ALK: variants seen among roughly 807,000 people sequenced by gnomAD.
The protein encoded by ALK is ALK receptor tyrosine kinase, also known as ALK tyrosine kinase receptor.
ALK carries 74 observed loss-of-function variants against 163.1 expected under a neutral mutation model. The observed-to-expected ratio is 0.45, with a 90% CI of 0.38 to 0.55. The LOEUF is 0.55. Among genes scored for constraint, ALK ranks in the 20% least tolerant of loss-of-function variants. ALK has a pLI of 0.00. For missense variants in ALK, 2,063 were observed against 2,105.3 expected, an observed-to-expected ratio of 0.98 and a Z score of 0.39; for synonymous variants, 960 against 843.2, an observed-to-expected ratio of 1.14 and a Z score of -2.40.
At chr2:29,871,205 C>T (rs1416821550) in intron 1 of ALK, among the ~76,000 whole-genome samples, 1 of 152,190 alleles carries the variant, frequency 6.6e-6, no homozygotes, top group Non-Finnish European at 1.5e-5. Flanking sequence ...ATTAAGCCTA[C>T]AGCCAACCAC....
At chr2:29,623,248 C>T (rs1356064157) in intron 3 of ALK, among the ~76,000 whole-genome samples, 1 of 152,128 alleles carries the variant, frequency 6.6e-6, no homozygotes, top group African/African-American at 2.4e-5. Context: ...AAAAAATGAT[C>T]TTCATGATGG....
intron 3 of ALK, among the ~76,000 whole-genome samples, chr2:29,672,293 A>G (rs1376407717): frequency 6.6e-6 from 1 of 151,626 alleles, no homozygotes; most frequent in Non-Finnish European, 1.5e-5. Context: ...GTCATCTAGC[A>G]TTAGGTATAT....
chr2:29,910,066 T>C (rs1384367289), intron 1 of ALK, among the ~76,000 whole-genome samples: 1 of 149,254 alleles, frequency 6.7e-6, no homozygotes. Context: ...TCAATATAAG[T>C]AGACATAGAA....
At chr2:29,349,063 A>T (rs1286416464) in intron 5 of ALK, among the ~76,000 whole-genome samples, 1 of 68,950 alleles carries the variant, frequency 1.5e-5, no homozygotes, top group African/African-American at 8.3e-5. Flanking sequence ...ATTACTGTCC[A>T]TCAAGTTCTT....
intron 3 of ALK, among the ~76,000 whole-genome samples, chr2:29,557,992 T>G (rs1165409673): frequency 6.6e-6 from 1 of 152,202 alleles, no homozygotes; most frequent in African/African-American, 2.4e-5. Flanking sequence ...TCTTTCCTCC[T>G]CCAGGTCTGG....
At chr2:29,685,889 C>A (rs1393640390) in intron 3 of ALK, among the ~76,000 whole-genome samples, 1 of 152,218 alleles carries the variant, frequency 6.6e-6, no homozygotes, top group African/African-American at 2.4e-5. Flanking sequence ...CTCCATTCTT[C>A]CTCTCACGGC....
At chr2:29,362,728 C>T (rs907641727) in intron 5 of ALK, among the ~76,000 whole-genome samples, 2 of 152,180 alleles carry the variant, frequency 1.3e-5, no homozygotes, top group African/African-American at 2.4e-5. Flanking sequence ...CTGTCTTATC[C>T]ACTGTACTGA....
chr2:29,665,123 C>G (rs920977118), intron 3 of ALK, among the ~76,000 whole-genome samples: 5 of 151,638 alleles, frequency 3.3e-5, no homozygotes, highest in Admixed American at 6.6e-5. Context: ...GCCTCCACCC[C>G]CCAAGTAGCT....
chr2:29,471,317 A>G (rs1671341446), intron 4 of ALK, among the ~76,000 whole-genome samples: 1 of 152,202 alleles, frequency 6.6e-6, no homozygotes, highest in African/African-American at 2.4e-5. Flanking sequence ...TGATAACAAA[A>G]TCTAAGAAGG....
intron 1 of ALK, among the ~76,000 whole-genome samples, chr2:29,739,263 A>T (rs1187685003): frequency 2.0e-5 from 3 of 150,046 alleles, no homozygotes; most frequent in Non-Finnish European, 4.4e-5. Context: ...AAAAAAAAAA[A>T]AAAAAAGAAC....
intron 3 of ALK, among the ~76,000 whole-genome samples, chr2:29,597,730 C>CA (rs1199227220): frequency 6.6e-6 from 1 of 152,206 alleles, no homozygotes; most frequent in Admixed American, 6.5e-5. Context: ...TAGCTGGAGT[C>CA]ATGTTTAATT....
At chr2:29,219,114 G>A (rs1669715449) in intron 23 of ALK, among the ~76,000 whole-genome samples, 1 of 152,164 alleles carries the variant, frequency 6.6e-6, no homozygotes, top group African/African-American at 2.4e-5. Flanking sequence ...ATAGAATTGG[G>A]GAGAGACCTG....
intron 4 of ALK, among the ~76,000 whole-genome samples, chr2:29,499,973 G>C (rs1573405510): frequency 2.0e-5 from 3 of 152,196 alleles, no homozygotes; most frequent in Non-Finnish European, 4.4e-5. Flanking sequence ...ACCAACACTG[G>C]GGACATTGTG....
rs116617378 is a variant in ALK, at chr2:29,391,100, T to C, written c.1155-7241A>G. 6.0e-3 allele frequency among the ~76,000 whole-genome samples: 916 copies of C among 152,276 alleles called. 6 individuals are homozygous for C. The highest frequency in any genetic ancestry group is 0.021 in the African/African-American group (863 of 41,544). ...TCCCTGGGGCTGCAGGCCTGCTTGT[T>C]GAGACCTTAGCATTGTCAGCTGTAA... On this transcript the variant is annotated intron_variant, in intron 4 of 28. Transcript: ENST00000389048.
intron 1 of ALK, among the ~76,000 whole-genome samples, chr2:29,785,666 G>C (rs1572377403): frequency 6.6e-6 from 1 of 152,182 alleles, no homozygotes; most frequent in Admixed American, 6.5e-5. Flanking sequence ...GCAAGGCTGA[G>C]ACCAAGAAAG....
chr2:29,559,045 C>T (rs185322824), intron 3 of ALK, among the ~76,000 whole-genome samples: 1 of 152,128 alleles, frequency 6.6e-6, no homozygotes, highest in Admixed American at 6.5e-5. Flanking sequence ...CATCCAGTAC[C>T]TAACATACCT....
At chr2:29,551,540 A>G (rs1673713724) in intron 3 of ALK, among the ~76,000 whole-genome samples, 1 of 152,148 alleles carries the variant, frequency 6.6e-6, no homozygotes, top group Non-Finnish European at 1.5e-5. Flanking sequence ...ATAACTGAGT[A>G]AGCAATAGAA....
intron 12 of ALK, among the ~76,000 whole-genome samples, chr2:29,243,067 C>T (rs1036123551): frequency 6.6e-6 from 1 of 152,202 alleles, no homozygotes; most frequent in African/African-American, 2.4e-5. Flanking sequence ...GTTGCTACTA[C>T]AGGACTGATT....
At chr2:29,749,632 G>A (rs955150410) in intron 1 of ALK, among the ~76,000 whole-genome samples, 3 of 152,124 alleles carry the variant, frequency 2.0e-5, no homozygotes, top group Non-Finnish European at 2.9e-5. Context: ...ATAGGGCGGT[G>A]GGCCCATCGT....
Sources: gnomAD v4.1 joint callset for allele counts (sites outside exome capture counted in the v4.1 genomes callset) on GRCh38, gnomAD v4.1.1 for gene constraint, MANE v1.5 for transcripts, NCBI Gene and HGNC (gene_info 2026-07-23, HGNC 2026-07-21) for gene names.